Variants in PDGFRL observed in about 807,000 individuals in gnomAD.
PDGFRL encodes platelet-derived growth factor receptor-like protein.
In PDGFRL, 46 loss-of-function variants were observed where a neutral mutation model predicts 37.2. The ratio of observed to expected loss-of-function variants is 1.24; its 90% CI spans 0.98 to 1.58. PDGFRL has a LOEUF of 1.58. Ranked by LOEUF, PDGFRL falls within the 40% of genes most tolerant of loss-of-function variation. PDGFRL has a pLI of 0.00. For synonymous variants in PDGFRL, 251 were observed against 184.3 expected (o/e 1.36, Z -2.93); for missense variants, 692 against 467.6 (o/e 1.48, Z -4.43).
chr8:17,586,240 C>T lies in PDGFRL; in HGVS notation c.56-3228C>T, dbSNP rs555210120. Among the ~76,000 whole-genome samples the T allele has an allele frequency of 8.3e-4, 126 of 152,286 alleles. 1 individual carries two copies. The South Asian group carries it at 0.017, about 20-fold the overall frequency. On this transcript the variant is annotated intron_variant, in intron 1 of 5. Transcript: ENST00000251630. ...GAGTGCTGGGATTATAGGCATAAGC[C>T]GCTGCACCCAGCTGGAGATGAGGTT... is the stretch of plus-strand genomic sequence containing the variant.
intron 4 of PDGFRL, among the ~76,000 whole-genome samples, chr8:17,632,475 T>A (rs13269631): frequency 0.62 from 94,178 of 151,850 alleles, 33,496 homozygotes; most frequent in Non-Finnish European, 0.8. Flanking sequence ...GTATCTGGGA[T>A]TACAGGCATG....
chr8:17,592,018 C>G (rs1258684786), intron 2 of PDGFRL, among the ~76,000 whole-genome samples: 1 of 152,160 alleles, frequency 6.6e-6, no homozygotes, highest in Non-Finnish European at 1.5e-5. Context: ...TGCAGAAATT[C>G]ATCTCCCTCA....
chr8:17,587,117 T>G (rs1008887986), intron 1 of PDGFRL, among the ~76,000 whole-genome samples: 1 of 152,180 alleles, frequency 6.6e-6, no homozygotes, highest in Admixed American at 6.5e-5. Flanking sequence ...GTGGGGACAC[T>G]AGGCTGGCTC....
chr8:17,586,825 C>T (rs1803828808), intron 1 of PDGFRL, among the ~76,000 whole-genome samples: 1 of 152,200 alleles, frequency 6.6e-6, no homozygotes. Flanking sequence ...GGGCAAGTAG[C>T]TTCCCAAGGT....
rs995633455 is a variant in PDGFRL, at chr8:17,628,456, G to C, written c.506-31G>C. ...TGCTTTTACTTTGCGTCTCCGGAGT[G>C]AATAAGCCTGTGTCTTCCTTCCCTT... On this transcript the variant is annotated intron_variant, in intron 3 of 5. Coordinates refer to ENST00000251630, the MANE Select transcript of PDGFRL (RefSeq NM_001372073.1). 1.9e-6 allele frequency: 3 copies of C among 1,594,212 alleles called. No homozygotes were observed. The African/African-American group carries it at 4.0e-5, about 21-fold the overall frequency.
At chr8:17,588,502 C>T (rs1803864803) in intron 1 of PDGFRL, among the ~76,000 whole-genome samples, 2 of 102,422 alleles carry the variant, frequency 2.0e-5, no homozygotes. Flanking sequence ...CATAGCAAGG[C>T]CCCATCTTTA....
At chr8:17,630,843 C>T (rs781432983) in intron 4 of PDGFRL, among the ~76,000 whole-genome samples, 1 of 152,108 alleles carries the variant, frequency 6.6e-6, no homozygotes, top group Non-Finnish European at 1.5e-5. Flanking sequence ...GTGTCCTAGG[C>T]CCTGTCCCAT....
chr8:17,633,609 C>G (rs562351696), intron 4 of PDGFRL, among the ~76,000 whole-genome samples: 46 of 152,306 alleles, frequency 3.0e-4, no homozygotes, highest in Admixed American at 5.9e-4. Context: ...CACTGCAGAC[C>G]CAGGTAGCAC....
chr8:17,595,122 G>A (rs1421461653), intron 2 of PDGFRL, among the ~76,000 whole-genome samples: 1 of 152,146 alleles, frequency 6.6e-6, no homozygotes, highest in African/African-American at 2.4e-5. Context: ...TGGGTCTTGG[G>A]CCAGCTCTGG....
chr8:17,607,405 TAAAAAAACAACA>T (rs1804305838), intron 2 of PDGFRL, among the ~76,000 whole-genome samples: 1 of 152,184 alleles, frequency 6.6e-6, no homozygotes, highest in South Asian at 2.1e-4. Flanking sequence ...AATATGTATT[TAAAAAAACAACA>T]AAAAAAGTTT....
At chr8:17,625,096 C>T (rs866871208) in intron 3 of PDGFRL, among the ~76,000 whole-genome samples, 1 of 150,536 alleles carries the variant, frequency 6.6e-6, no homozygotes, top group South Asian at 2.1e-4. Flanking sequence ...CCCATTAACT[C>T]GTCATTTAGC....
At chr8:17,624,994 TTTATTA>T (rs10538196) in intron 3 of PDGFRL, among the ~76,000 whole-genome samples, 77,370 of 151,084 alleles carry the variant, frequency 0.51, 21,469 homozygotes, top group East Asian at 0.68. Context: ...TTTATTTTTA[TTTATTA>T]TTATTATACT....
intron 2 of PDGFRL, among the ~76,000 whole-genome samples, chr8:17,603,998 G>A (rs995250788): frequency 7.9e-5 from 12 of 152,284 alleles, no homozygotes; most frequent in African/African-American, 2.4e-4. Context: ...GGTCAGAGGC[G>A]AGGGAGTGGG....
intron 2 of PDGFRL, among the ~76,000 whole-genome samples, chr8:17,609,634 T>TAAA (rs3040922): frequency 0.18 from 7,733 of 43,112 alleles, 1,450 homozygotes; most frequent in Non-Finnish European, 0.23. Context: ...TGAGACTCTG[T>TAAA]AAAAAAAAAA....
At chr8:17,596,359 C>T (rs62498034) in intron 2 of PDGFRL, 194,747 of 1,197,562 alleles carry the variant, frequency 0.16, 18,404 homozygotes, top group Non-Finnish European at 0.18. Context: ...CCAACGCGCC[C>T]GCAGGACCGG....
At chr8:17,582,902 C>G (rs1353828912) in intron 1 of PDGFRL, among the ~76,000 whole-genome samples, 1 of 152,160 alleles carries the variant, frequency 6.6e-6, no homozygotes, top group Admixed American at 6.5e-5. Context: ...CCCTGCTGCT[C>G]TTCTGCCGTG....
intron 2 of PDGFRL, among the ~76,000 whole-genome samples, chr8:17,614,961 G>A (rs3780106): frequency 0.041 from 6,259 of 152,156 alleles, 280 homozygotes; most frequent in African/African-American, 0.11. Flanking sequence ...TGCCACGTGG[G>A]GTTAATAATA....
chr8:17,619,915 A>G (rs543165425), intron 2 of PDGFRL, among the ~76,000 whole-genome samples: 1 of 152,286 alleles, frequency 6.6e-6, no homozygotes, highest in South Asian at 2.1e-4. Context: ...ATTTCCTTTG[A>G]GGAGAGGCTT....
At chr8:17,626,462 C>A (rs1804736040) in intron 3 of PDGFRL, among the ~76,000 whole-genome samples, 1 of 152,134 alleles carries the variant, frequency 6.6e-6, no homozygotes, top group Non-Finnish European at 1.5e-5. Flanking sequence ...GAACTTGGTA[C>A]TTACAGCCCA....
Sources: gnomAD v4.1 joint callset for allele counts (sites outside exome capture counted in the v4.1 genomes callset) on GRCh38, gnomAD v4.1.1 for gene constraint, MANE v1.5 for transcripts, NCBI Gene and HGNC (gene_info 2026-07-23, HGNC 2026-07-21) for gene names.